NRXN1: variants seen among roughly 807,000 people sequenced by gnomAD.
The protein encoded by NRXN1 is neurexin 1, also known as neurexin-1.
NRXN1 carries 39 observed loss-of-function variants against 150.9 expected under a neutral mutation model. The observed-to-expected ratio is 0.26, with a 90% confidence interval of 0.20 to 0.34. The LOEUF is 0.34. Ranked by LOEUF, NRXN1 falls within the 10% of genes least tolerant of loss-of-function variation. The pLI is 1.00. For synonymous variants in NRXN1, 924 were observed against 757.0 expected (o/e 1.22, Z -3.62); for missense variants, 1,815 against 1,949.9 (o/e 0.93, Z 1.30).
In NRXN1 at chr2:50,642,632, T is replaced by C. The variant is rs190303247; in HGVS notation, c.833-19017A>G. Among the ~76,000 whole-genome samples, 486 of 152,180 alleles carry C rather than the reference T, an allele frequency of 3.2e-3. 2 individuals carry two copies. The highest frequency in any genetic ancestry group is 3.4e-3 in the Middle Eastern group (1 of 294). ...TTAAAGTGAATGGTGAATTATTGAT[T>C]GGCATGGATTTAGGGACAATTGCAT... On this transcript the variant is annotated intron_variant, in intron 5 of 22. Transcript: ENST00000401669.
rs535177889 is a variant in NRXN1, at chr2:50,639,323, C to A, written c.833-15708G>T. Among the ~76,000 whole-genome samples the A allele has an allele frequency of 1.9e-3, 282 of 150,606 alleles. 1 individual carries two copies. The highest frequency in any genetic ancestry group is 6.4e-3 in the African/African-American group (263 of 40,992). On this transcript the variant is annotated intron_variant, in intron 5 of 22. Coordinates refer to ENST00000401669, the MANE Select transcript of NRXN1 (RefSeq NM_001330078.2). ...GCAATCTCCGCCTCCTGGGTTCAAG[C>A]GATTCTCCTGCCTCAGGCTCCCAAG...
intron 21 of NRXN1, among the ~76,000 whole-genome samples, chr2:49,985,341 A>G (rs781297276): frequency 6.6e-6 from 1 of 152,180 alleles, no homozygotes. Flanking sequence ...TTCACCGTGG[A>G]AGAAATTAGT....
intron 21 of NRXN1, among the ~76,000 whole-genome samples, chr2:49,997,155 G>A (rs545848822): frequency 6.6e-6 from 1 of 152,180 alleles, no homozygotes. Context: ...GGGTCAACAC[G>A]GTGGGTGGAC....
At chr2:50,418,805 G>A (rs939399) in intron 17 of NRXN1, among the ~76,000 whole-genome samples, 67,237 of 151,608 alleles carry the variant, frequency 0.44, 15,579 homozygotes, top group East Asian at 0.81. Flanking sequence ...AGATGCTATA[G>A]TAATAAAAAT....
chr2:50,769,280 G>C (rs1191077592), intron 5 of NRXN1, among the ~76,000 whole-genome samples: 2 of 151,894 alleles, frequency 1.3e-5, no homozygotes, highest in Non-Finnish European at 2.9e-5. Context: ...GCCAAAACAA[G>C]TCTATAGCAT....
intron 5 of NRXN1, among the ~76,000 whole-genome samples, chr2:50,763,311 C>T (rs991231754): frequency 6.6e-6 from 1 of 151,938 alleles, no homozygotes; most frequent in Non-Finnish European, 1.5e-5. Context: ...GTCAGGTCTA[C>T]CTGCTATTTT....
chr2:50,268,934 T>C (rs2069224332), intron 17 of NRXN1, among the ~76,000 whole-genome samples: 1 of 152,184 alleles, frequency 6.6e-6, no homozygotes, highest in African/African-American at 2.4e-5. Context: ...GCCTGTATTT[T>C]AAAAACTGAT....
intron 22 of NRXN1, among the ~76,000 whole-genome samples, chr2:49,928,508 G>T (rs1669518061): frequency 6.6e-6 from 1 of 151,972 alleles, no homozygotes; most frequent in African/African-American, 2.4e-5. Context: ...ATTTATAGGG[G>T]GAAGATTTGA....
In NRXN1 at chr2:50,014,746, T is replaced by G. The variant is rs113027285; in HGVS notation, c.4128+38525A>C. ...CAAATTTTAAAGCCTCCCTGTGAAC[T>G]CCAGCGACTTAATTCTAGGGCCTGG... On this transcript the variant is annotated intron_variant, in intron 21 of 22. Transcript: ENST00000401669. 6.6e-5 allele frequency among the ~76,000 whole-genome samples: 10 copies of G among 152,240 alleles called. 1 individual carries two copies. Among genetic ancestry groups the G allele is most frequent in the African/African-American group, 2.4e-4 (10 of 41,552 alleles).
intron 17 of NRXN1, among the ~76,000 whole-genome samples, chr2:50,287,365 C>T (rs569434378): frequency 3.3e-5 from 5 of 152,034 alleles, no homozygotes; most frequent in African/African-American, 9.7e-5. Flanking sequence ...AAAAATATTA[C>T]AGGGGAAGGT....
chr2:50,160,856 G>A (rs2059322184), intron 18 of NRXN1, among the ~76,000 whole-genome samples: 1 of 152,094 alleles, frequency 6.6e-6, no homozygotes, highest in Non-Finnish European at 1.5e-5. Context: ...AACAGTGTGA[G>A]ATTATTTCCT....
chr2:50,119,352 C>T (rs1022162030), intron 18 of NRXN1, among the ~76,000 whole-genome samples: 6 of 148,912 alleles, frequency 4.0e-5, no homozygotes, highest in African/African-American at 1.5e-4. Context: ...AAAGTAAACA[C>T]CTTAGGGTCT....
At chr2:50,879,416 C>T (rs1356713326) in intron 5 of NRXN1, among the ~76,000 whole-genome samples, 5 of 151,788 alleles carry the variant, frequency 3.3e-5, no homozygotes, top group Admixed American at 3.3e-4. Flanking sequence ...TATTGCTAGA[C>T]ATTAGTCAAG....
At chr2:50,794,156 T>G (rs1706453656) in intron 5 of NRXN1, among the ~76,000 whole-genome samples, 1 of 152,096 alleles carries the variant, frequency 6.6e-6, no homozygotes, top group Non-Finnish European at 1.5e-5. Context: ...ATCAAACCCT[T>G]TTTCATAGGC....
chr2:50,803,658 G>T (rs1160069728), intron 5 of NRXN1, among the ~76,000 whole-genome samples: 1 of 152,126 alleles, frequency 6.6e-6, no homozygotes, highest in Non-Finnish European at 1.5e-5. Flanking sequence ...AAATGGAAAT[G>T]GTAAGCTTAA....
intron 2 of NRXN1, among the ~76,000 whole-genome samples, chr2:50,952,987 C>A (rs1045847694): frequency 2.6e-5 from 4 of 152,098 alleles, no homozygotes; most frequent in Admixed American, 6.5e-5. Flanking sequence ...AGGAGGTAAT[C>A]CATAATGATC....
At chr2:50,822,179 T>A (rs910253228) in intron 5 of NRXN1, among the ~76,000 whole-genome samples, 1 of 152,136 alleles carries the variant, frequency 6.6e-6, no homozygotes, top group African/African-American at 2.4e-5. Flanking sequence ...CATAAATTTT[T>A]AAAATATAAA....
At chr2:50,928,662 G>C (rs961780630) in intron 2 of NRXN1, among the ~76,000 whole-genome samples, 1 of 151,802 alleles carries the variant, frequency 6.6e-6, no homozygotes, top group East Asian at 1.9e-4. Context: ...CTTTGCTTTT[G>C]AGCAGCAACA....
chr2:50,999,553 C>T (rs62143013), intron 2 of NRXN1, among the ~76,000 whole-genome samples: 4 of 151,994 alleles, frequency 2.6e-5, no homozygotes, highest in African/African-American at 7.2e-5. Context: ...CCCCCAGGCA[C>T]CCAGCTTTAA....
Sources: allele counts gnomAD v4.1 joint callset (sites outside exome capture counted in the v4.1 genomes callset), GRCh38; gene constraint gnomAD v4.1.1; transcripts MANE v1.5; gene names NCBI Gene and HGNC (gene_info 2026-07-23, HGNC 2026-07-21).